MCC: variants seen among roughly 807,000 people sequenced by gnomAD.
The protein encoded by MCC is colorectal mutant cancer protein.
MCC carries 90 observed loss-of-function variants against 116.2 expected under a neutral mutation model. The ratio of observed to expected loss-of-function variants is 0.77; its 90% CI spans 0.65 to 0.92. The LOEUF (loss-of-function observed/expected upper bound fraction) is 0.92, where lower values mean the gene tolerates loss of function less well. MCC is among the 40% of genes least tolerant of loss of function. MCC has a pLI of 0.00. For missense variants in MCC, 1,516 were observed against 1,312.2 expected (o/e 1.16, Z -2.40); for synonymous variants, 578 against 510.5 (o/e 1.13, Z -1.78).
chr5:113,080,221 C>T (rs1445551843), intron 11 of MCC, among the ~76,000 whole-genome samples: 1 of 152,212 alleles, frequency 6.6e-6, no homozygotes, highest in Non-Finnish European at 1.5e-5. Flanking sequence ...TAAACTAGTT[C>T]AACCATTGTG....
chr5:113,324,869 G>C (rs1767512935), intron 3 of MCC, among the ~76,000 whole-genome samples: 1 of 149,930 alleles, frequency 6.7e-6, no homozygotes, highest in East Asian at 1.9e-4. Context: ...GTCCCCCTCT[G>C]TCACCCAGGC....
intron 1 of MCC, among the ~76,000 whole-genome samples, chr5:113,399,757 T>G (rs1769629180): frequency 6.6e-6 from 1 of 152,090 alleles, no homozygotes; most frequent in South Asian, 2.1e-4. Context: ...GTTGAAAGAT[T>G]TATAGGACTT....
At chr5:113,478,726 T>G (rs1350890941) in intron 1 of MCC, among the ~76,000 whole-genome samples, 1 of 152,080 alleles carries the variant, frequency 6.6e-6, no homozygotes, top group Non-Finnish European at 1.5e-5. Context: ...GCTCTGGGCT[T>G]TAAGGGTCTT....
intron 1 of MCC, among the ~76,000 whole-genome samples, chr5:113,430,922 C>T (rs983160238): frequency 6.6e-6 from 1 of 151,916 alleles, no homozygotes; most frequent in Non-Finnish European, 1.5e-5. Context: ...GAGAGGGGCA[C>T]ATGGAGAATG....
intron 2 of MCC, among the ~76,000 whole-genome samples, chr5:113,346,494 G>A (rs1455117817): frequency 6.6e-6 from 1 of 152,052 alleles, no homozygotes; most frequent in Non-Finnish European, 1.5e-5. Flanking sequence ...CCAGCTACTT[G>A]GGAGGCTGAG....
At chr5:113,198,492 C>T (rs1289391265) in intron 3 of MCC, among the ~76,000 whole-genome samples, 4 of 148,688 alleles carry the variant, frequency 2.7e-5, no homozygotes, top group Admixed American at 2.0e-4. Flanking sequence ...CCCAGGAGTT[C>T]GAGACAAGCC....
chr5:113,176,964 A>C (rs1761368296), intron 3 of MCC, among the ~76,000 whole-genome samples: 1 of 152,238 alleles, frequency 6.6e-6, no homozygotes, highest in African/African-American at 2.4e-5. Flanking sequence ...AAGGAAGCGT[A>C]GACACTCTGA....
At chr5:113,291,318 G>A (rs144486025) in intron 3 of MCC, among the ~76,000 whole-genome samples, 2,383 of 152,232 alleles carry the variant, frequency 0.016, 36 homozygotes, top group Middle Eastern at 0.037. Context: ...CACCTCAGTG[G>A]TTGACCAAAG....
At chr5:113,483,817 A>G (rs1295812015) in intron 1 of MCC, among the ~76,000 whole-genome samples, 4 of 152,166 alleles carry the variant, frequency 2.6e-5, no homozygotes, top group Admixed American at 1.3e-4. Context: ...GATAGACCAG[A>G]CAAAGAAAGT....
At chr5:113,028,832 G>A in intron 18 of MCC, 102 bp downstream of exon 18, 1 of 1,371,864 alleles carries the variant, frequency 7.3e-7, no homozygotes, top group East Asian at 2.4e-5. Flanking sequence ...GTTCTTAAGA[G>A]TTAGGGAAAT....
rs972922907 is a variant in MCC, at chr5:113,413,371, G to A, written c.171-28159C>T. Among the ~76,000 whole-genome samples the A allele has an allele frequency of 1.2e-3, 184 of 152,248 alleles. 2 individuals are homozygous for A. Among genetic ancestry groups the A allele is most frequent in the African/African-American group, 4.4e-3 (182 of 41,546 alleles). On this transcript the variant is annotated intron_variant, in intron 1 of 18. Coordinates refer to ENST00000408903, the MANE Select transcript of MCC (RefSeq NM_001085377.2). ...GTACCAGCTCCTCTTTGTACCTCTG[G>A]TAGAATTTGGCTGTGAATCCATCTG... is the stretch of plus-strand genomic sequence containing the variant.
At chr5:113,358,302 C>G (rs1055336149) in intron 2 of MCC, among the ~76,000 whole-genome samples, 1 of 152,144 alleles carries the variant, frequency 6.6e-6, no homozygotes, top group Non-Finnish European at 1.5e-5. Flanking sequence ...ATTGGCCCTC[C>G]CAAAACTTGT....
chr5:113,215,053 T>C (rs10070231), intron 3 of MCC, among the ~76,000 whole-genome samples: 76,341 of 146,268 alleles, frequency 0.52, 22,379 homozygotes, highest in East Asian at 0.73. Flanking sequence ...AACACAATCC[T>C]CATCTCTCCC....
chr5:113,269,629 C>T (rs1020471953), intron 3 of MCC, among the ~76,000 whole-genome samples: 14 of 152,190 alleles, frequency 9.2e-5, no homozygotes. Context: ...AAAAGCAGGA[C>T]TCCTGGTTAA....
At chr5:113,410,467 C>T (rs1769955667) in intron 1 of MCC, among the ~76,000 whole-genome samples, 1 of 152,140 alleles carries the variant, frequency 6.6e-6, no homozygotes, top group South Asian at 2.1e-4. Flanking sequence ...TCTTAGAGTT[C>T]ACGAGTCAAA....
At chr5:113,051,205 G>C (rs543758977) in intron 15 of MCC, among the ~76,000 whole-genome samples, 1 of 152,142 alleles carries the variant, frequency 6.6e-6, no homozygotes, top group East Asian at 1.9e-4. Context: ...AGGGCCCCAC[G>C]GAAGACAGTT....
intron 5 of MCC, among the ~76,000 whole-genome samples, chr5:113,127,309 C>T (rs1242635497): frequency 2.0e-5 from 3 of 152,136 alleles, no homozygotes; most frequent in Admixed American, 1.3e-4. Context: ...CTGCAATGAA[C>T]GTTTGCATGC....
rs1262627160 is a variant in MCC, at chr5:113,049,125, T to A, written c.2623A>T (p.Thr875Ser). The change falls in exon 16 of 19, where the codon ACC (threonine) becomes TCC (serine). Residue 875 changes from threonine to serine, a missense_variant. Transcript: ENST00000408903. The stretch of plus-strand genomic sequence containing the variant: ...GGTTTGTCTTTGCTGCCGCTGCTGG[T>A]GGAGCTGAGGGATCGCATCCGCTGC... ...KEQRMRSLSS[T>S]SSGSKDKPGK... 13 of 1,614,090 alleles carry A rather than the reference T, an allele frequency of 8.1e-6. No homozygotes were observed. The highest frequency in any genetic ancestry group is 1.0e-5 in the Non-Finnish European group (12 of 1,180,028).
intron 3 of MCC, among the ~76,000 whole-genome samples, chr5:113,165,722 G>A (rs6866411): frequency 0.045 from 6,890 of 152,116 alleles, 442 homozygotes; most frequent in African/African-American, 0.14. Flanking sequence ...AGGAGCACCC[G>A]ACCCAATGGC....
Sources: gnomAD v4.1 joint callset for allele counts (sites outside exome capture counted in the v4.1 genomes callset) on GRCh38, gnomAD v4.1.1 for gene constraint, MANE v1.5 for transcripts, NCBI Gene and HGNC (gene_info 2026-07-23, HGNC 2026-07-21) for gene names.